KIAA1217: variants seen among roughly 807,000 people sequenced by gnomAD.
The protein encoded by KIAA1217 is KIAA1217, also known as sickle tail protein homolog.
A neutral mutation model predicts 163.9 loss-of-function variants in KIAA1217; 88 were observed. The observed-to-expected ratio is 0.54, with a 90% CI of 0.45 to 0.64. The LOEUF is 0.64. KIAA1217 is among the 30% of genes least tolerant of loss of function. The pLI, the probability that KIAA1217 is intolerant of heterozygous loss-of-function variation, is 0.00. For missense variants in KIAA1217, 2,372 were observed against 2,475.0 expected (o/e 0.96, Z 0.88); for synonymous variants, 903 against 923.1 (o/e 0.98, Z 0.39).
intron 2 of KIAA1217, among the ~76,000 whole-genome samples, chr10:24,240,549 C>T (rs1004734349): frequency 6.6e-6 from 1 of 152,202 alleles, no homozygotes; most frequent in Non-Finnish European, 1.5e-5. Flanking sequence ...GTGCCTCCAA[C>T]ATCGGAAGTT....
chr10:24,336,636 G>A (rs2046385931), intron 2 of KIAA1217, among the ~76,000 whole-genome samples: 1 of 152,170 alleles, frequency 6.6e-6, no homozygotes. Flanking sequence ...ACAGATATTT[G>A]CTGAGCTATC....
At chr10:24,131,641 A>G (rs371173910) in intron 2 of KIAA1217, among the ~76,000 whole-genome samples, 5 of 152,204 alleles carry the variant, frequency 3.3e-5, no homozygotes, top group East Asian at 3.8e-4. Context: ...TTATTTGCCT[A>G]CAGGCCCGAG....
intron 2 of KIAA1217, among the ~76,000 whole-genome samples, chr10:24,146,345 G>A (rs1023652586): frequency 6.6e-6 from 1 of 152,140 alleles, no homozygotes; most frequent in Non-Finnish European, 1.5e-5. Flanking sequence ...TCTTGATAAA[G>A]TTATTTTTAC....
intron 1 of KIAA1217, among the ~76,000 whole-genome samples, chr10:23,848,822 A>G (rs374188798): frequency 4.6e-5 from 7 of 152,122 alleles, no homozygotes; most frequent in African/African-American, 1.2e-4. Flanking sequence ...AACAATAAAT[A>G]TACCTTTGTT....
chr10:24,224,532 A>G (rs2070178890), intron 2 of KIAA1217, among the ~76,000 whole-genome samples: 1 of 151,688 alleles, frequency 6.6e-6, no homozygotes, highest in Non-Finnish European at 1.5e-5. Flanking sequence ...TTTTTAGTAG[A>G]GATGGGGCTA....
At chr10:24,243,961 G>A (rs901069968) in intron 2 of KIAA1217, among the ~76,000 whole-genome samples, 2 of 152,170 alleles carry the variant, frequency 1.3e-5, no homozygotes, top group Non-Finnish European at 2.9e-5. Flanking sequence ...GTGGGTTTTA[G>A]CAAAGGCTTG....
At chr10:24,487,661 A>G (rs918575872) in intron 6 of KIAA1217, among the ~76,000 whole-genome samples, 2 of 152,036 alleles carry the variant, frequency 1.3e-5, no homozygotes, top group Non-Finnish European at 2.9e-5. Flanking sequence ...TTTTACAGGT[A>G]TCCTTAAATG....
intron 2 of KIAA1217, among the ~76,000 whole-genome samples, chr10:24,295,736 G>C (rs1268745189): frequency 1.3e-5 from 2 of 152,074 alleles, no homozygotes; most frequent in Non-Finnish European, 2.9e-5. Context: ...CCTCTGCCGG[G>C]CATCCTCTCC....
At chr10:23,756,756 A>G (rs1203024410) in intron 1 of KIAA1217, among the ~76,000 whole-genome samples, 1 of 152,236 alleles carries the variant, frequency 6.6e-6, no homozygotes, top group African/African-American at 2.4e-5. Flanking sequence ...TTATTGTGGT[A>G]AAACATGTAT....
At chr10:24,436,464 CAA>C (rs34617087) in intron 4 of KIAA1217, among the ~76,000 whole-genome samples, 5 of 138,584 alleles carry the variant, frequency 3.6e-5, no homozygotes, top group Non-Finnish European at 4.8e-5. Flanking sequence ...TTATATAAGA[CAA>C]AAAAAAAAAA....
At chr10:24,306,143 T>C (rs549896889) in intron 2 of KIAA1217, among the ~76,000 whole-genome samples, 53 of 152,350 alleles carry the variant, frequency 3.5e-4, no homozygotes, top group Admixed American at 1.2e-3. Flanking sequence ...ATATACATGC[T>C]ATTTGATCAC....
intron 1 of KIAA1217, among the ~76,000 whole-genome samples, chr10:23,802,887 T>C (rs963582834): frequency 6.6e-6 from 1 of 152,160 alleles, no homozygotes; most frequent in African/African-American, 2.4e-5. Context: ...TCACAGAGTT[T>C]TCCAAAAATA....
intron 6 of KIAA1217, among the ~76,000 whole-genome samples, chr10:24,476,409 T>C (rs1489079659): frequency 6.6e-6 from 1 of 152,190 alleles, no homozygotes; most frequent in East Asian, 1.9e-4. Context: ...ACTCCCTTTT[T>C]TAAAAAAGAT....
At chr10:23,824,658 A>ATTATAGAT (rs1379535101) in intron 1 of KIAA1217, among the ~76,000 whole-genome samples, 1 of 53,040 alleles carries the variant, frequency 1.9e-5, no homozygotes, top group African/African-American at 6.5e-5. Context: ...AAATAAAAAA[A>ATTATAGAT]ATATATATAT....
intron 2 of KIAA1217, among the ~76,000 whole-genome samples, chr10:24,328,168 G>A (rs988165431): frequency 6.6e-6 from 1 of 152,186 alleles, no homozygotes; most frequent in African/African-American, 2.4e-5. Context: ...TTATTCAGGT[G>A]CTGCAGCCAA....
At chr10:23,705,522 A>G (rs1418227909) in intron 1 of KIAA1217, among the ~76,000 whole-genome samples, 1 of 152,164 alleles carries the variant, frequency 6.6e-6, no homozygotes, top group Non-Finnish European at 1.5e-5. Context: ...AATTTTCTTG[A>G]CAGCCTTGTT....
intron 1 of KIAA1217, among the ~76,000 whole-genome samples, chr10:23,949,823 T>C (rs1487364432): frequency 1.3e-5 from 2 of 152,226 alleles, no homozygotes; most frequent in East Asian, 3.8e-4. Context: ...GTTTGTTTGC[T>C]GAACCATCGT....
chr10:23,881,171 AGGTAAACACAT>A (rs1840934051), intron 1 of KIAA1217, among the ~76,000 whole-genome samples: 1 of 151,882 alleles, frequency 6.6e-6, no homozygotes, highest in African/African-American at 2.4e-5. Context: ...TTTCGATGAA[AGGTAAACACAT>A]TTCTTACTGA....
intron 2 of KIAA1217, among the ~76,000 whole-genome samples, chr10:24,374,213 T>C (rs1043747382): frequency 2.0e-5 from 3 of 152,202 alleles, no homozygotes; most frequent in African/African-American, 4.8e-5. Context: ...AGACCTCAAC[T>C]TAAGCTAGGA....
Sources: gnomAD v4.1 joint callset for allele counts (sites outside exome capture counted in the v4.1 genomes callset) on GRCh38, gnomAD v4.1.1 for gene constraint, MANE v1.5 for transcripts, NCBI Gene and HGNC (gene_info 2026-07-23, HGNC 2026-07-21) for gene names.